ROPN1B: variants seen among roughly 807,000 people sequenced by gnomAD.
The protein encoded by ROPN1B is rhophilin associated tail protein 1B, also known as ropporin-1B.
Under a neutral mutation model 23.7 loss-of-function variants are expected in ROPN1B, and 13 were observed. That is an observed-to-expected ratio of 0.55 (90% confidence interval 0.36 to 0.87). ROPN1B has a LOEUF of 0.87. Ranked by LOEUF, ROPN1B falls within the 40% of genes least tolerant of loss-of-function variation. The pLI is 0.01. For synonymous variants in ROPN1B, 67 were observed against 100.4 expected (o/e 0.67, Z 1.99); for missense variants, 183 against 249.2 (o/e 0.73, Z 1.79).
At chr3:125,981,945 T>C (rs1018185121) in intron 5 of ROPN1B, among the ~76,000 whole-genome samples, 9 of 152,206 alleles carry the variant, frequency 5.9e-5, no homozygotes, top group Non-Finnish European at 1.2e-4. Context: ...ATTCTAATTA[T>C]ATAGAATGCA....
chr3:125,971,899 C>T lies in ROPN1B; in HGVS notation c.-12-144C>T, dbSNP rs531957608. 3.9e-5 allele frequency: 24 copies of T among 615,876 alleles called. No individual in the cohort carries two copies. The African/African-American group carries it at 4.4e-4, about 11-fold the overall frequency. 38.2% of individuals were successfully genotyped at this position (615,876 alleles called of 1,614,324 possible). A position where few individuals can be genotyped will look rare whatever the true frequency, so the allele number is the denominator to read the frequency against. The stretch of plus-strand genomic sequence containing the variant: ...GTTAGCAGACGGCTTTCTAACCTTG[C>T]CGTTGTGTAACAATAGAATGCATTT... On this transcript the variant is annotated intron_variant, in intron 2 of 6. Transcript: ENST00000514116.
chr3:125,969,876 C>T (rs1239545801), intron 1 of ROPN1B: 1 of 150,682 alleles, frequency 6.6e-6, no homozygotes, highest in Non-Finnish European at 1.5e-5. Context: ...ACTTCATAGA[C>T]TCCTATCACA....
At chr3:125,982,612 A>G (rs1408079876) in intron 6 of ROPN1B, among the ~76,000 whole-genome samples, 167 bp downstream of exon 6, 1 of 152,204 alleles carries the variant, frequency 6.6e-6, no homozygotes, top group Non-Finnish European at 1.5e-5. Context: ...GAGGAAGGAA[A>G]AGAATGATAT....
chr3:125,978,604 C>G lies in ROPN1B; in HGVS notation c.396+1439C>G, dbSNP rs765221254. Among the ~76,000 whole-genome samples, 5 of 152,218 alleles carry G rather than the reference C, an allele frequency of 3.3e-5. No individual in the cohort carries two copies. The Middle Eastern group carries it at 9.5e-3, about 289-fold the overall frequency. On this transcript the variant is annotated intron_variant, in intron 5 of 6. Transcript: ENST00000514116. ...CATCCCTCAGTCTTCTCTGGCATCT[C>G]TGGTCTCCATGGTAATGCCTATCTG...
At chr3:125,979,347 T>C (rs574893292) in intron 5 of ROPN1B, among the ~76,000 whole-genome samples, 1 of 152,254 alleles carries the variant, frequency 6.6e-6, no homozygotes, top group African/African-American at 2.4e-5. Flanking sequence ...AATGTTTGTG[T>C]CCTCCCAAAA....
At chr3:125,979,262 AC>A (rs11302047) in intron 5 of ROPN1B, among the ~76,000 whole-genome samples, 13,025 of 152,092 alleles carry the variant, frequency 0.086, 702 homozygotes, top group African/African-American at 0.14. Context: ...AGTAATCAAT[AC>A]CCTTATATTC....
intron 2 of ROPN1B, among the ~76,000 whole-genome samples, chr3:125,971,627 G>C (rs1260613289): frequency 6.6e-6 from 1 of 152,170 alleles, no homozygotes; most frequent in African/African-American, 2.4e-5. Context: ...TTCTTACCTA[G>C]CTAATAAGAG....
chr3:125,972,729 T>A (rs905791431), intron 3 of ROPN1B: 1 of 350,340 alleles, frequency 2.9e-6, no homozygotes, highest in Non-Finnish European at 5.6e-6. Context: ...TTGAGGAAAT[T>A]ATTGTTATTT....
rs1938441570 is a variant in ROPN1B, at chr3:125,977,055, G to GT, written c.287dup (p.Val97GlyfsTer9). 1.0e-6 allele frequency: 1 copy of GT among 954,736 alleles called. No homozygotes were observed. Among genetic ancestry groups the GT allele is most frequent in the South Asian group, 1.4e-5 (1 of 70,060 alleles). 59.1% of individuals were successfully genotyped at this position (954,736 alleles called of 1,614,324 possible). ...AGAGGAGCTGGCCCAGATGTGGAAA[G>GT]TGGTGAATCTCCCAACAGATCTGTT... is the stretch of plus-strand genomic sequence containing the variant. On this transcript the variant is annotated frameshift_variant, in exon 5 of 7. Transcript: ENST00000514116. LOFTEE classifies it high-confidence loss of function.
intron 3 of ROPN1B, chr3:125,973,049 T>A: frequency 2.7e-6 from 1 of 364,444 alleles, no homozygotes; most frequent in East Asian, 7.3e-5. Context: ...AGACAGGAGT[T>A]GGAAGATAAC....
At position 125,975,431 on chromosome 3, in the gene ROPN1B, A is replaced by T. The variant is rs566107355; in HGVS notation, c.117-132A>T. The T allele has an allele frequency of 1.7e-4, 133 of 793,338 alleles. 3 individuals are homozygous for T. In the South Asian group the frequency reaches 2.6e-3, roughly 15 times the overall value. 49.1% of individuals were successfully genotyped at this position (793,338 alleles called of 1,614,324 possible). A position where few individuals can be genotyped will look rare whatever the true frequency, so the allele number is the denominator to read the frequency against. On this transcript the variant is annotated intron_variant, in intron 3 of 6. Coordinates refer to ENST00000514116, the MANE Select transcript of ROPN1B (RefSeq NM_001308313.2). Reference sequence around the variant, plus strand: ...ATATGTAAGTGAACTAAACACAATGACACATAGAAGCCACTTTACAAAGGT... The same window carrying T: ...ATATGTAAGTGAACTAAACACAATGTCACATAGAAGCCACTTTACAAAGGT...
At chr3:125,971,197 G>C (rs145460921) in intron 2 of ROPN1B, 35 bp downstream of exon 2, 2 of 152,762 alleles carry the variant, frequency 1.3e-5, no homozygotes, top group Admixed American at 1.3e-4. Context: ...CCAGCACTGC[G>C]GGTTCCCCTT....
At chr3:125,980,778 G>A (rs1339387021) in intron 5 of ROPN1B, among the ~76,000 whole-genome samples, 3 of 151,828 alleles carry the variant, frequency 2.0e-5, no homozygotes, top group African/African-American at 2.4e-5. Context: ...TTACAGAAAC[G>A]GGTGAGCTGT....
chr3:125,983,421 T>G lies in ROPN1B; in HGVS notation c.*101T>G, dbSNP rs779362916. On this transcript the variant is annotated 3_prime_UTR_variant, in exon 7 of 7. Transcript: ENST00000514116. ...AAAATCAATTTTCTTGTACAACTGGTACACACTAATAAACAAACATGTGAG... is the reference window on the plus strand; with the variant it reads ...AAAATCAATTTTCTTGTACAACTGGGACACACTAATAAACAAACATGTGAG... 3.8e-6 allele frequency: 3 copies of G among 783,860 alleles called. No individual in the cohort carries two copies. The highest frequency in any genetic ancestry group is 6.7e-6 in the Non-Finnish European group (3 of 445,746). 48.6% of individuals were successfully genotyped at this position (783,860 alleles called of 1,614,324 possible).
chr3:125,981,030 AT>A (rs144326661), intron 5 of ROPN1B, among the ~76,000 whole-genome samples: 4 of 151,052 alleles, frequency 2.6e-5, no homozygotes, highest in African/African-American at 4.9e-5. Flanking sequence ...CCTCAAACTC[AT>A]TTTTTTTTGA....
intron 1 of ROPN1B, chr3:125,969,925 G>C (rs1184527974): frequency 6.8e-6 from 1 of 147,764 alleles, no homozygotes; most frequent in Non-Finnish European, 1.5e-5. Flanking sequence ...CTCCTATCAC[G>C]CATTATTTTA....
Position 125,982,257 on chromosome 3 carries a change from G to T in ROPN1B, c.397-13G>T. ...AAGAGTAACTTTCTCCTCATTTTATGTAACTTTTATAGACTATTACCAAAA... is the reference window on the plus strand; with the variant it reads ...AAGAGTAACTTTCTCCTCATTTTATTTAACTTTTATAGACTATTACCAAAA... On this transcript the variant is annotated splice_polypyrimidine_tract_variant and intron_variant, in intron 5 of 6. Coordinates refer to ENST00000514116, the MANE Select transcript of ROPN1B (RefSeq NM_001308313.2). 6.4e-7 allele frequency: 1 copy of T among 1,574,282 alleles called. No individual in the cohort carries two copies. The highest frequency in any genetic ancestry group is 8.6e-7 in the Non-Finnish European group (1 of 1,164,684).
At chr3:125,974,609 G>C (rs1335968952) in intron 3 of ROPN1B, among the ~76,000 whole-genome samples, 1 of 152,170 alleles carries the variant, frequency 6.6e-6, no homozygotes, top group Non-Finnish European at 1.5e-5. Flanking sequence ...ATGCTGCTTT[G>C]GTGACCCACA....
chr3:125,979,982 T>C (rs1346405341), intron 5 of ROPN1B, among the ~76,000 whole-genome samples: 3 of 152,232 alleles, frequency 2.0e-5, no homozygotes, highest in African/African-American at 7.2e-5. Context: ...GAACTGATTA[T>C]TAAAAAAGGA....
Sources: gnomAD v4.1 joint callset for allele counts (sites outside exome capture counted in the v4.1 genomes callset) on GRCh38, gnomAD v4.1.1 for gene constraint, MANE v1.5 for transcripts, NCBI Gene and HGNC (gene_info 2026-07-23, HGNC 2026-07-21) for gene names.